Variants in HSF2BP observed in about 807,000 individuals in gnomAD.
HSF2BP encodes the protein heat shock transcription factor 2 binding protein, also known as heat shock factor 2-binding protein.
Under a neutral mutation model 35.0 loss-of-function variants are expected in HSF2BP, and 35 were observed. The observed-to-expected ratio is 1.00, with a 90% CI of 0.76 to 1.32. The LOEUF is 1.32. Ranked by LOEUF, HSF2BP falls within the 40% of genes most tolerant of loss-of-function variation. The pLI is 0.00. For synonymous variants in HSF2BP, 114 were observed against 117.4 expected, an observed-to-expected ratio of 0.97 and a Z score of 0.18; for missense variants, 326 against 321.7, an observed-to-expected ratio of 1.01 and a Z score of -0.10.
chr21:43,622,127 AT>A (rs2082338242), intron 6 of HSF2BP, among the ~76,000 whole-genome samples: 3 of 152,188 alleles, frequency 2.0e-5, no homozygotes, highest in African/African-American at 4.8e-5. Flanking sequence ...ATATCTAAAG[AT>A]TTTTTTGTAA....
intron 3 of HSF2BP, 84 bp from the exon 4 acceptor site, chr21:43,644,476 G>T: frequency 1.0e-6 from 1 of 977,392 alleles, no homozygotes; most frequent in Non-Finnish European, 1.6e-6. Context: ...TCTTGACTTA[G>T]TAAAATGTGT....
chr21:43,581,058 AAGGGAAGGAAGATGATGCTTAAGTTAG>A (rs1353863717), intron 8 of HSF2BP, among the ~76,000 whole-genome samples: 2 of 152,214 alleles, frequency 1.3e-5, no homozygotes, highest in Non-Finnish European at 2.9e-5. Flanking sequence ...CACTGCCCTC[AAGGGAAGGAAGATGATGCTTAAGTTAG>A]CTTAAGAAAG....
At chr21:43,632,224 C>T (rs974283118) in intron 5 of HSF2BP, among the ~76,000 whole-genome samples, 4 of 126,450 alleles carry the variant, frequency 3.2e-5, no homozygotes, top group Non-Finnish European at 6.6e-5. Flanking sequence ...TACGATCCCA[C>T]ATACACAGGC....
chr21:43,587,665 CA>C (rs11292342), intron 8 of HSF2BP, among the ~76,000 whole-genome samples: 45,117 of 79,244 alleles, frequency 0.57, 9,163 homozygotes, highest in East Asian at 0.67. Context: ...AATTCTGTCT[CA>C]AAAAAAAAAA....
chr21:43,618,842 T>C (rs932076367), intron 6 of HSF2BP, among the ~76,000 whole-genome samples: 1 of 150,364 alleles, frequency 6.7e-6, no homozygotes, highest in Non-Finnish European at 1.5e-5. Context: ...CTACTCAGGA[T>C]GCTGAGGCAA....
intron 3 of HSF2BP, among the ~76,000 whole-genome samples, chr21:43,655,009 G>A (rs561525923): frequency 6.6e-6 from 1 of 152,286 alleles, no homozygotes; most frequent in African/African-American, 2.4e-5. Flanking sequence ...TCTCCCAAAG[G>A]CAGACTGTGA....
In HSF2BP at chr21:43,655,507, G is replaced by C. The variant is rs563755036; in HGVS notation, c.187+1080C>G. Among the ~76,000 whole-genome samples the C allele has an allele frequency of 4.6e-5, 7 of 152,342 alleles. No individual in the cohort carries two copies. The South Asian group carries it at 1.0e-3, about 23-fold the overall frequency. On this transcript the variant is annotated intron_variant, in intron 3 of 8. Coordinates refer to ENST00000291560, the MANE Select transcript of HSF2BP (RefSeq NM_007031.2). ...CAGCCACAGGAGCAGGGGCAGTCCA[G>C]CAAGAGCTAGGACTACGGAAGAGGC...
At chr21:43,630,484 C>G in intron 5 of HSF2BP, 30 bp from the exon 6 acceptor site, 2 of 1,597,212 alleles carry the variant, frequency 1.3e-6, no homozygotes, top group Non-Finnish European at 1.7e-6. Context: ...AGTGTCATAT[C>G]TTTTTACAGA....
At chr21:43,654,402 G>A (rs1224493835) in intron 3 of HSF2BP, among the ~76,000 whole-genome samples, 1 of 152,200 alleles carries the variant, frequency 6.6e-6, no homozygotes, top group Non-Finnish European at 1.5e-5. Flanking sequence ...TCAAGGAAAC[G>A]GGACCTGGGT....
At chr21:43,610,265 A>G (rs1259483598) in intron 7 of HSF2BP, among the ~76,000 whole-genome samples, 1 of 152,104 alleles carries the variant, frequency 6.6e-6, no homozygotes, top group African/African-American at 2.4e-5. Flanking sequence ...AGAGAAGGAC[A>G]AAGACAGACA....
chr21:43,658,205 G>T lies in HSF2BP; in HGVS notation c.-109C>A. 1 of 1,293,142 alleles carries T rather than the reference G, an allele frequency of 7.7e-7. No homozygotes were observed. The highest frequency in any genetic ancestry group is 1.0e-6 in the Non-Finnish European group (1 of 972,486). The allele number at this position is 1,293,142 out of a possible 1,614,324, so 80.1% of individuals were successfully genotyped here. A position where few individuals can be genotyped will look rare whatever the true frequency, so the allele number is the denominator to read the frequency against. ...CGCCGGGGGTCGGGAACGGAGAGCC[G>T]CCAGGCCCAAACCTCCCAGAATTTG... On this transcript the variant is annotated 5_prime_UTR_variant, in exon 2 of 9. Coordinates refer to ENST00000291560, the MANE Select transcript of HSF2BP (RefSeq NM_007031.2).
intron 8 of HSF2BP, among the ~76,000 whole-genome samples, chr21:43,584,497 G>C (rs1032867310): frequency 1.3e-5 from 2 of 152,186 alleles, no homozygotes; most frequent in African/African-American, 4.8e-5. Flanking sequence ...GCTGTACTCA[G>C]TCTCCTGGTT....
At chr21:43,581,127 C>A (rs190128889) in intron 8 of HSF2BP, among the ~76,000 whole-genome samples, 1 of 152,328 alleles carries the variant, frequency 6.6e-6, no homozygotes, top group East Asian at 1.9e-4. Flanking sequence ...TGGTTCACGC[C>A]TGTAATCCCA....
chr21:43,642,546 C>A (rs956857901), intron 4 of HSF2BP, among the ~76,000 whole-genome samples: 17 of 152,144 alleles, frequency 1.1e-4, no homozygotes, highest in African/African-American at 3.6e-4. Context: ...CTGTATTCAC[C>A]TTGCAGGAGC....
intron 8 of HSF2BP, among the ~76,000 whole-genome samples, chr21:43,571,836 C>A (rs187810047): frequency 7.3e-6 from 1 of 136,226 alleles, no homozygotes; most frequent in Non-Finnish European, 1.6e-5. Flanking sequence ...AGATCATGGA[C>A]CCTGACCAGA....
intron 8 of HSF2BP, among the ~76,000 whole-genome samples, chr21:43,571,886 C>G (rs1390281111): frequency 6.8e-6 from 1 of 148,014 alleles, no homozygotes; most frequent in Non-Finnish European, 1.5e-5. Flanking sequence ...GTGGTGTAAT[C>G]CGACTGTGAA....
At chr21:43,649,944 C>T (rs10483078) in intron 3 of HSF2BP, among the ~76,000 whole-genome samples, 6,240 of 152,272 alleles carry the variant, frequency 0.041, 439 homozygotes, top group African/African-American at 0.14. Context: ...AGGTGAACTA[C>T]TTCAAAACCA....
chr21:43,611,452 A>G (rs1018231582), intron 7 of HSF2BP, among the ~76,000 whole-genome samples: 1 of 152,224 alleles, frequency 6.6e-6, no homozygotes, highest in African/African-American at 2.4e-5. Context: ...GGACTCTGAA[A>G]AGTAAACAGT....
At chr21:43,595,929 T>C (rs1206265694) in intron 7 of HSF2BP, among the ~76,000 whole-genome samples, 1 of 151,712 alleles carries the variant, frequency 6.6e-6, no homozygotes, top group Non-Finnish European at 1.5e-5. Context: ...TTCACCATGT[T>C]GGTTAGGCTC....
Sources: allele counts gnomAD v4.1 joint callset (sites outside exome capture counted in the v4.1 genomes callset), GRCh38; gene constraint gnomAD v4.1.1; transcripts MANE v1.5; gene names NCBI Gene and HGNC (gene_info 2026-07-23, HGNC 2026-07-21).